FAM227B: variants seen among roughly 807,000 people sequenced by gnomAD.
The protein encoded by FAM227B is protein FAM227B.
A neutral mutation model predicts 73.8 loss-of-function variants in FAM227B; 88 were observed. The observed-to-expected ratio is 1.19, with a 90% confidence interval of 1.00 to 1.42. FAM227B has a LOEUF of 1.42. Ranked by LOEUF, FAM227B falls within the 40% of genes most tolerant of loss-of-function variation. The probability of loss-of-function intolerance (pLI) is 0.00; values close to 1 mark genes in which losing one functional copy is unlikely to be tolerated. For missense variants in FAM227B, 632 were observed against 590.9 expected (o/e 1.07, Z -0.72); for synonymous variants, 210 against 190.5 (o/e 1.10, Z -0.84).
At chr15:49,428,274 T>C (rs1346086790) in intron 11 of FAM227B, among the ~76,000 whole-genome samples, 1 of 151,956 alleles carries the variant, frequency 6.6e-6, no homozygotes, top group African/African-American at 2.4e-5. Flanking sequence ...TAACAGTGGG[T>C]TTCCAGGTGA....
intron 5 of FAM227B, among the ~76,000 whole-genome samples, chr15:49,581,730 G>A (rs1411152538): frequency 6.6e-6 from 1 of 152,132 alleles, no homozygotes; most frequent in African/African-American, 2.4e-5. Flanking sequence ...AAATGTTAAA[G>A]GAATTCATTA....
At chr15:49,536,072 C>CAAAAAAAAAAAAAAAAAAAAAAAAAAAA (rs59203003) in intron 10 of FAM227B, among the ~76,000 whole-genome samples, 1 of 113,998 alleles carries the variant, frequency 8.8e-6, no homozygotes, top group African/African-American at 3.3e-5. Context: ...GGCAATCAGA[C>CAAAAAAAAAAAAAAAAAAAAAAAAAAAA]AAAAAAAAAA....
chr15:49,568,394 G>C (rs762121361), intron 8 of FAM227B, 48 bp from the exon 9 acceptor site: 1 of 1,448,760 alleles, frequency 6.9e-7, no homozygotes, highest in Non-Finnish European at 9.6e-7. Context: ...TTTAAAACTG[G>C]AATTTGTTTA....
rs755691615 is a variant in FAM227B, at chr15:49,358,715, T to G, written c.1271+8733A>C. 8.1e-3 allele frequency among the ~76,000 whole-genome samples: 1,224 copies of G among 151,682 alleles called. 16 individuals are homozygous for G. Among genetic ancestry groups the G allele is most frequent in the African/African-American group, 0.028 (1,170 of 41,392 alleles). On this transcript the variant is annotated intron_variant, in intron 13 of 15. Coordinates refer to ENST00000299338, the MANE Select transcript of FAM227B (RefSeq NM_152647.3). Reference sequence around the variant, plus strand: ...CCCCATCAAGCTACCAATGACTTTCTTCACAGAATTGGAAAAAACTACTTT... The same window carrying G: ...CCCCATCAAGCTACCAATGACTTTCGTCACAGAATTGGAAAAAACTACTTT...
chr15:49,431,103 C>T (rs2050576996), intron 11 of FAM227B, among the ~76,000 whole-genome samples: 2 of 151,720 alleles, frequency 1.3e-5, no homozygotes, highest in African/African-American at 4.8e-5. Context: ...TTATATATCT[C>T]ACAATAAAAT....
intron 9 of FAM227B, among the ~76,000 whole-genome samples, chr15:49,546,661 T>C (rs1341177436): frequency 6.6e-6 from 1 of 152,250 alleles, no homozygotes; most frequent in Non-Finnish European, 1.5e-5. Flanking sequence ...CTAACTGGTG[T>C]GAGATGGTAT....
rs1009620547 is a variant in FAM227B at position 49,340,422 on chromosome 15, C to A, written c.1272-4926G>T. On this transcript the variant is annotated intron_variant, in intron 13 of 15. Transcript: ENST00000299338. ...TGCCCCGCCCCCCCCCTCCCCCCCC[C>A]GCTTTGCCTCGCCCTCCTTGGGCTG... is the stretch of plus-strand genomic sequence containing the variant. Among the ~76,000 whole-genome samples the A allele has an allele frequency of 3.5e-5, 5 of 143,390 alleles. No homozygotes were observed. In the East Asian group the frequency reaches 8.9e-4, roughly 25 times the overall value. The allele number at this position is 143,390 out of a possible 152,430, so 94.1% of individuals were successfully genotyped here.
intron 11 of FAM227B, chr15:49,484,296 GTTTGT>G (rs2056215155): frequency 1.3e-6 from 2 of 1,571,072 alleles, no homozygotes; most frequent in Non-Finnish European, 1.7e-6. Context: ...CTGTTTGTTT[GTTTGT>G]TTTAACAGAA....
intron 11 of FAM227B, among the ~76,000 whole-genome samples, chr15:49,450,056 A>C (rs2052583192): frequency 6.6e-6 from 1 of 152,160 alleles, no homozygotes; most frequent in South Asian, 2.1e-4. Flanking sequence ...TGCATGTGCC[A>C]AAGTTGTATA....
Position 49,469,965 on chromosome 15 carries a change from T to C in FAM227B, c.1012+38246A>G, listed in dbSNP as rs76161296. 2.0e-3 allele frequency among the ~76,000 whole-genome samples: 310 copies of C among 152,276 alleles called. 8 individuals are homozygous for C. The East Asian group carries it at 0.054, about 26-fold the overall frequency. On this transcript the variant is annotated intron_variant, in intron 11 of 15. Transcript: ENST00000299338. Reference sequence around the variant, plus strand: ...CACCTTCACAGTACAATTAAGAGTTTAATGATTCCATCTTTTCATTAGAGG... The same window carrying C: ...CACCTTCACAGTACAATTAAGAGTTCAATGATTCCATCTTTTCATTAGAGG...
At chr15:49,508,436 A>G (rs750104026) in intron 10 of FAM227B, 88 bp from the exon 11 acceptor site, 26 of 1,208,362 alleles carry the variant, frequency 2.2e-5, no homozygotes, top group Non-Finnish European at 2.8e-5. Context: ...TGATAATTAT[A>G]CATTTCATCC....
At chr15:49,351,446 T>G (rs991312142) in intron 13 of FAM227B, among the ~76,000 whole-genome samples, 2 of 152,218 alleles carry the variant, frequency 1.3e-5, no homozygotes, top group Non-Finnish European at 2.9e-5. Flanking sequence ...GTTGATTTTT[T>G]TCTAAAACAT....
intron 13 of FAM227B, among the ~76,000 whole-genome samples, chr15:49,362,490 C>A (rs915021010): frequency 6.6e-6 from 1 of 150,810 alleles, no homozygotes; most frequent in African/African-American, 2.4e-5. Context: ...AGCATGAAAA[C>A]CGACTAATAC....
chr15:49,396,000 T>C (rs879885348), intron 11 of FAM227B: 1 of 455,856 alleles, frequency 2.2e-6, no homozygotes, highest in Admixed American at 2.4e-5. Flanking sequence ...GGAGCCAAGA[T>C]GGCCAAATAG....
intron 9 of FAM227B, among the ~76,000 whole-genome samples, chr15:49,557,271 G>T (rs1440574471): frequency 6.6e-6 from 1 of 151,136 alleles, no homozygotes; most frequent in African/African-American, 2.4e-5. Flanking sequence ...ACTTGCTTTT[G>T]GCCATTTTAT....
Position 49,504,170 on chromosome 15 carries a change from G to T in FAM227B, c.1012+4041C>A, listed in dbSNP as rs1028475699. Among the ~76,000 whole-genome samples, 17 of 151,000 alleles carry T rather than the reference G, an allele frequency of 1.1e-4. 1 individual carries two copies. The highest frequency in any genetic ancestry group is 6.3e-4 in the South Asian group (3 of 4,762). On this transcript the variant is annotated intron_variant, in intron 11 of 15. Transcript: ENST00000299338. ...AAACCATCATTCTCAGCAAACTATC[G>T]CAAGGACAAAAAACCAAACACTGCA...
At chr15:49,525,953 G>A (rs952022144) in intron 10 of FAM227B, among the ~76,000 whole-genome samples, 1 of 151,726 alleles carries the variant, frequency 6.6e-6, no homozygotes, top group African/African-American at 2.4e-5. Flanking sequence ...TACAGTAATA[G>A]TGGAGGACTT....
rs184262496 is a variant in FAM227B, at chr15:49,340,274, C to T, written c.1272-4778G>A. Among the ~76,000 whole-genome samples the T allele has an allele frequency of 2.0e-4, 31 of 152,272 alleles. No homozygotes were observed. The Middle Eastern group carries it at 0.01, about 50-fold the overall frequency. ...GGCTCCAGAGGGGATTCCTGGTCTG[C>T]AGGTTGCGAAGACCATGGGAAAAGC... is the stretch of plus-strand genomic sequence containing the variant. On this transcript the variant is annotated intron_variant, in intron 13 of 15. Transcript: ENST00000299338.
At chr15:49,431,923 A>G (rs1171120113) in intron 11 of FAM227B, among the ~76,000 whole-genome samples, 1 of 151,744 alleles carries the variant, frequency 6.6e-6, no homozygotes. Context: ...AGAAATTGAA[A>G]TAACAATTTC....
Sources: gnomAD v4.1 joint callset for allele counts (sites outside exome capture counted in the v4.1 genomes callset) on GRCh38, gnomAD v4.1.1 for gene constraint, MANE v1.5 for transcripts, NCBI Gene and HGNC (gene_info 2026-07-23, HGNC 2026-07-21) for gene names.